Variants in KCNH5 observed in about 807,000 individuals in gnomAD.
KCNH5 encodes the protein potassium voltage-gated channel subfamily H member 5, also known as voltage-gated delayed rectifier potassium channel KCNH5.
In KCNH5, 46 loss-of-function variants were observed where a neutral mutation model predicts 96.1. That is an observed-to-expected ratio of 0.48 (90% confidence interval 0.38 to 0.61). The LOEUF (loss-of-function observed/expected upper bound fraction) is 0.61. Ranked by LOEUF, KCNH5 falls within the 20% of genes least tolerant of loss-of-function variation. The pLI is 0.00. For synonymous variants in KCNH5, 439 were observed against 449.8 expected (o/e 0.98, Z 0.30); for missense variants, 907 against 1,225.8 (o/e 0.74, Z 3.88).
At chr14:62,748,139 T>G (rs757063406) in intron 10 of KCNH5, among the ~76,000 whole-genome samples, 2 of 152,094 alleles carry the variant, frequency 1.3e-5, no homozygotes, top group African/African-American at 4.8e-5. Flanking sequence ...AAAGCAAGTT[T>G]ATTAAGAAGT....
At chr14:62,772,988 C>T (rs958280962) in intron 10 of KCNH5, among the ~76,000 whole-genome samples, 1 of 152,136 alleles carries the variant, frequency 6.6e-6, no homozygotes, top group Non-Finnish European at 1.5e-5. Context: ...TATCCTGAAC[C>T]ACAGTATGAA....
intron 7 of KCNH5, among the ~76,000 whole-genome samples, chr14:62,930,146 C>T (rs1432220253): frequency 6.6e-6 from 1 of 152,038 alleles, no homozygotes. Context: ...TGGCTATATA[C>T]CAAATAATGG....
intron 5 of KCNH5, among the ~76,000 whole-genome samples, chr14:62,982,205 T>C (rs1456342541): frequency 6.6e-6 from 1 of 152,168 alleles, no homozygotes; most frequent in African/African-American, 2.4e-5. Context: ...GGTGCGTGCC[T>C]ATAATCCCAA....
intron 2 of KCNH5, among the ~76,000 whole-genome samples, chr14:63,015,640 A>C (rs567256234): frequency 7.9e-5 from 12 of 152,070 alleles, no homozygotes; most frequent in Admixed American, 3.9e-4. Context: ...AGAGAGGGAG[A>C]GAGTCATACA....
In KCNH5 at chr14:62,707,473, G is replaced by A. The variant is rs1279754612; in HGVS notation, c.*35C>T. 1 of 1,104,308 alleles carries A rather than the reference G, an allele frequency of 9.1e-7. No individual in the cohort carries two copies. Among genetic ancestry groups the A allele is most frequent in the Admixed American group, 3.1e-5 (1 of 32,048 alleles). 68.4% of individuals were successfully genotyped at this position (1,104,308 alleles called of 1,614,324 possible). A position where few individuals can be genotyped will look rare whatever the true frequency, so the allele number is the denominator to read the frequency against. On this transcript the variant is annotated 3_prime_UTR_variant, in exon 11 of 11. Coordinates refer to ENST00000322893, the MANE Select transcript of KCNH5 (RefSeq NM_139318.5). ...GTATATACACACATATGTATATACT[G>A]TTTTAATATATTAACAAATATATAT... is the stretch of plus-strand genomic sequence containing the variant.
intron 6 of KCNH5, among the ~76,000 whole-genome samples, chr14:62,976,645 A>G (rs1890505764): frequency 6.6e-6 from 1 of 152,216 alleles, no homozygotes; most frequent in South Asian, 2.1e-4. Flanking sequence ...ACAGAACCTT[A>G]GGACAGAGAA....
intron 7 of KCNH5, among the ~76,000 whole-genome samples, chr14:62,942,197 G>A (rs545361701): frequency 6.6e-6 from 1 of 152,042 alleles, no homozygotes; most frequent in South Asian, 2.1e-4. Context: ...CCATGCCATG[G>A]ACAGGGGCAT....
intron 9 of KCNH5, among the ~76,000 whole-genome samples, chr14:62,781,348 A>C (rs1426112393): frequency 6.6e-6 from 1 of 152,232 alleles, no homozygotes; most frequent in Non-Finnish European, 1.5e-5. Flanking sequence ...AGGTGAAATT[A>C]AAATTGCTAA....
intron 7 of KCNH5, among the ~76,000 whole-genome samples, chr14:62,919,511 A>C (rs1182536942): frequency 2.0e-5 from 3 of 152,142 alleles, no homozygotes; most frequent in African/African-American, 4.8e-5. Flanking sequence ...CTGCCTTACC[A>C]AGTTCCACAT....
At chr14:62,921,502 TGGA>T (rs1299072249) in intron 7 of KCNH5, among the ~76,000 whole-genome samples, 1 of 152,064 alleles carries the variant, frequency 6.6e-6, no homozygotes, top group Non-Finnish European at 1.5e-5. Flanking sequence ...TTGAATGTGA[TGGA>T]GAAGGATTTG....
At chr14:62,906,564 T>C (rs895275435) in intron 7 of KCNH5, among the ~76,000 whole-genome samples, 3 of 152,198 alleles carry the variant, frequency 2.0e-5, no homozygotes, top group Non-Finnish European at 4.4e-5. Context: ...ACTAAAAATG[T>C]ACAACTCATT....
At chr14:62,743,716 A>G (rs1019214177) in intron 10 of KCNH5, among the ~76,000 whole-genome samples, 5 of 152,096 alleles carry the variant, frequency 3.3e-5, no homozygotes, top group South Asian at 4.1e-4. Context: ...CTTTACCACC[A>G]TATTCACTGT....
chr14:62,713,338 A>G (rs1056163490), intron 10 of KCNH5, among the ~76,000 whole-genome samples: 4 of 152,168 alleles, frequency 2.6e-5, no homozygotes, highest in Admixed American at 6.5e-5. Flanking sequence ...AGCAGGAGCT[A>G]TATCATTTGC....
intron 9 of KCNH5, among the ~76,000 whole-genome samples, chr14:62,784,937 G>T (rs961066): frequency 0.12 from 18,488 of 152,112 alleles, 1,294 homozygotes; most frequent in Non-Finnish European, 0.16. Context: ...TTTATTTCCT[G>T]CTCCTCTCCC....
At chr14:62,787,022 A>G (rs1236560568) in intron 9 of KCNH5, among the ~76,000 whole-genome samples, 4 of 152,188 alleles carry the variant, frequency 2.6e-5, no homozygotes, top group African/African-American at 9.6e-5. Flanking sequence ...GTGTTCAAGC[A>G]AAAGGAAGAG....
chr14:62,841,750 C>A (rs529405712), intron 8 of KCNH5, among the ~76,000 whole-genome samples: 198 of 152,336 alleles, frequency 1.3e-3, no homozygotes, highest in Non-Finnish European at 2.1e-3. Flanking sequence ...GCCTACCTTG[C>A]GCAAGCACCA....
At chr14:62,914,986 T>C (rs1181343421) in intron 7 of KCNH5, among the ~76,000 whole-genome samples, 1 of 152,240 alleles carries the variant, frequency 6.6e-6, no homozygotes, top group African/African-American at 2.4e-5. Flanking sequence ...TTAGTCACCT[T>C]GTATTTCCAG....
intron 10 of KCNH5, among the ~76,000 whole-genome samples, chr14:62,753,630 A>G (rs1026517426): frequency 2.8e-4 from 43 of 152,308 alleles, no homozygotes; most frequent in African/African-American, 8.9e-4. Context: ...TGGAGCTCCA[A>G]TACATATGGC....
chr14:62,819,122 A>C (rs938692647), intron 8 of KCNH5, among the ~76,000 whole-genome samples: 6 of 151,984 alleles, frequency 3.9e-5, no homozygotes, highest in Non-Finnish European at 7.4e-5. Context: ...GCCCGCCACC[A>C]CGCCCAGCTA....
Sources: gnomAD v4.1 joint callset for allele counts (sites outside exome capture counted in the v4.1 genomes callset) on GRCh38, gnomAD v4.1.1 for gene constraint, MANE v1.5 for transcripts, NCBI Gene and HGNC (gene_info 2026-07-23, HGNC 2026-07-21) for gene names.